The following STKLD1 variants were observed in gnomAD, a reference collection of about 807,000 sequenced individuals.
STKLD1 encodes the protein serine/threonine kinase-like domain-containing protein STKLD1.
In STKLD1, 79 loss-of-function variants were observed where a neutral mutation model predicts 80.4. The observed-to-expected ratio is 0.98, with a 90% CI of 0.82 to 1.19. The LOEUF is 1.19. Among genes scored for constraint, STKLD1 ranks in the 50% most tolerant of loss-of-function variants. STKLD1 has a pLI of 0.00. For missense variants in STKLD1, 841 were observed against 856.0 expected (o/e 0.98, Z 0.22); for synonymous variants, 393 against 357.6 (o/e 1.10, Z -1.12).
chr9:133,382,021 G>C (rs2130267355), intron 2 of STKLD1, among the ~76,000 whole-genome samples: 1 of 152,226 alleles, frequency 6.6e-6, no homozygotes, highest in Non-Finnish European at 1.5e-5. Context: ...ATTAGAGCCA[G>C]TGGTAGTATA....
At chr9:133,403,851 G>A (rs985460840) in intron 15 of STKLD1, 23 bp downstream of exon 15, 3 of 1,612,622 alleles carry the variant, frequency 1.9e-6, no homozygotes, top group Middle Eastern at 1.7e-4. Context: ...GGCGCCCTGG[G>A]CCCCTGGGGC....
rs1554778570 is a variant in STKLD1 at position 133,405,471 on chromosome 9, T to C, written c.*50T>C. The stretch of plus-strand genomic sequence containing the variant: ...TCTCCACGTGTATAGTTTTCAAGAC[T>C]GCTCTCCTGCCTGCCTATTATCCCA... On this transcript the variant is annotated 3_prime_UTR_variant, in exon 18 of 18. Transcript: ENST00000371957. 2 of 1,523,004 alleles carry C rather than the reference T, an allele frequency of 1.3e-6. No homozygotes were observed. Among genetic ancestry groups the C allele is most frequent in the African/African-American group, 1.4e-5 (1 of 72,520 alleles). The allele number at this position is 1,523,004 out of a possible 1,614,324, so 94.3% of individuals were successfully genotyped here.
rs2130259272 is a variant in STKLD1, at chr9:133,379,024, C to A, written c.88-12C>A. On this transcript the variant is annotated splice_polypyrimidine_tract_variant and intron_variant, in intron 1 of 17. Coordinates refer to ENST00000371957, the MANE Select transcript of STKLD1 (RefSeq NM_153710.5). Reference sequence around the variant, plus strand: ...TGCATTTCCTGAAAGCTTCTCTCTTCCTTGCTGATAGGTTTTGTACCAGCT... The same window carrying A: ...TGCATTTCCTGAAAGCTTCTCTCTTACTTGCTGATAGGTTTTGTACCAGCT... 1 of 1,611,308 alleles carries A rather than the reference C, an allele frequency of 6.2e-7. No homozygotes were observed. The highest frequency in any genetic ancestry group is 1.7e-5 in the Admixed American group (1 of 59,498).
chr9:133,389,701 G>A lies in STKLD1; in HGVS notation c.467+105G>A, dbSNP rs1023060267. On this transcript the variant is annotated intron_variant, in intron 6 of 17. Transcript: ENST00000371957. The surrounding 1 kb of genome is among the most constrained non-coding windows in gnomAD (Gnocchi z 6.4). Reference sequence around the variant, plus strand: ...CCGTGGGCAGGATCTGGGGAGAAAGGTGCACCGGGCCAGTGCAGCCAGGAT... The same window carrying A: ...CCGTGGGCAGGATCTGGGGAGAAAGATGCACCGGGCCAGTGCAGCCAGGAT... 6.5e-7 allele frequency: 1 copy of A among 1,538,336 alleles called. No homozygotes were observed. The highest frequency in any genetic ancestry group is 1.4e-5 in the African/African-American group (1 of 73,726).
chr9:133,393,527 G>A (rs1554776275), intron 7 of STKLD1, among the ~76,000 whole-genome samples: 2 of 149,806 alleles, frequency 1.3e-5, no homozygotes, highest in Non-Finnish European at 3.0e-5. Flanking sequence ...GTGGGTAGGT[G>A]TATGGATGAA....
Position 133,383,854 on chromosome 9 carries a change from A to C in STKLD1, c.175-2A>C. 5.0e-6 allele frequency: 8 copies of C among 1,613,958 alleles called. No homozygotes were observed. The highest frequency in any genetic ancestry group is 6.8e-6 in the Non-Finnish European group (8 of 1,179,904). The stretch of plus-strand genomic sequence containing the variant: ...TAAGCTCATGCTCTTGTGCCCTTGC[A>C]GGTGGAATGCATGGATGACCATTAC... On this transcript the variant is annotated splice_acceptor_variant, in intron 2 of 17. Transcript: ENST00000371957. LOFTEE classifies it high-confidence loss of function.
rs1050750623 is a variant in STKLD1 at position 133,394,754 on chromosome 9, C to T, written c.702+345C>T. The T allele has an allele frequency of 2.7e-5, 8 of 293,536 alleles. No homozygotes were observed. Among genetic ancestry groups the T allele is most frequent in the African/African-American group, 1.5e-4 (7 of 46,896 alleles). The allele number at this position is 293,536 out of a possible 1,614,324, so 18.2% of individuals were successfully genotyped here. ...GAAGGCTGCACGGAGTTGCAAGCAA[C>T]GGGAACCCAGTGTGGGCCTGAACAC... On this transcript the variant is annotated intron_variant, in intron 8 of 17. Transcript: ENST00000371957. This position sits in a 1 kb window ranked among gnomAD's most constrained non-coding sequence, Gnocchi z 4.9.
In STKLD1 at chr9:133,385,890, A is replaced by T. The variant is rs995865991; in HGVS notation, c.294+199A>T. Among the ~76,000 whole-genome samples the T allele has an allele frequency of 6.6e-6, 1 of 151,406 alleles. No individual in the cohort carries two copies. Among genetic ancestry groups the T allele is most frequent in the Non-Finnish European group, 1.5e-5 (1 of 67,944 alleles). On this transcript the variant is annotated intron_variant, in intron 4 of 17. Coordinates refer to ENST00000371957, the MANE Select transcript of STKLD1 (RefSeq NM_153710.5). This position sits in a 1 kb window ranked among gnomAD's most constrained non-coding sequence, Gnocchi z 4.9. ...CTGGGGGCTTTCGGTGCATAGTCTC[A>T]TAGGAGCCCCAAAAACCTCATCGTC...
At chr9:133,380,692 C>T (rs1838108456) in intron 2 of STKLD1, among the ~76,000 whole-genome samples, 1 of 152,058 alleles carries the variant, frequency 6.6e-6, no homozygotes, top group African/African-American at 2.4e-5. Flanking sequence ...ATAAAAATAT[C>T]ACCCAATTAT....
chr9:133,382,764 GTGA>G (rs1188731839), intron 2 of STKLD1, among the ~76,000 whole-genome samples: 3,648 of 149,696 alleles, frequency 0.024, 124 homozygotes, highest in African/African-American at 0.084. Context: ...GGTAATGATG[GTGA>G]TGATGGTGGT....
chr9:133,399,809 G>A (rs1838648943), intron 11 of STKLD1, among the ~76,000 whole-genome samples: 1 of 152,056 alleles, frequency 6.6e-6, no homozygotes, highest in Non-Finnish European at 1.5e-5. Context: ...AACCCAGGAG[G>A]CGGAGGTTGC....
At chr9:133,378,635 G>A (rs1331386555) in intron 1 of STKLD1, among the ~76,000 whole-genome samples, 3 of 152,264 alleles carry the variant, frequency 2.0e-5, no homozygotes, top group African/African-American at 7.2e-5. Flanking sequence ...CTTCCTGATT[G>A]TACCAGTCAC....
chr9:133,405,649 T>G lies in STKLD1; in HGVS notation c.*228T>G. ...GAAAACTGACTTGCCTGCTTCCTCCTTCCAGGAACTGGTTTCTTGCGCGGA... is the reference window on the plus strand; with the variant it reads ...GAAAACTGACTTGCCTGCTTCCTCCGTCCAGGAACTGGTTTCTTGCGCGGA... On this transcript the variant is annotated 3_prime_UTR_variant, in exon 18 of 18. Coordinates refer to ENST00000371957, the MANE Select transcript of STKLD1 (RefSeq NM_153710.5). 2.3e-6 allele frequency: 1 copy of G among 427,896 alleles called. No homozygotes were observed. 26.5% of individuals were successfully genotyped at this position (427,896 alleles called of 1,614,324 possible).
At chr9:133,382,319 T>G (rs192511393) in intron 2 of STKLD1, among the ~76,000 whole-genome samples, 1 of 152,342 alleles carries the variant, frequency 6.6e-6, no homozygotes, top group East Asian at 1.9e-4. Context: ...TAAACTTATC[T>G]TTGCAAAAGG....
rs1352898622 is a variant in STKLD1, at chr9:133,390,295, C to G, written c.468-386C>G. Among the ~76,000 whole-genome samples the G allele has an allele frequency of 6.6e-6, 1 of 151,162 alleles. No individual in the cohort carries two copies. The highest frequency in any genetic ancestry group is 2.4e-5 in the African/African-American group (1 of 40,996). On this transcript the variant is annotated intron_variant, in intron 6 of 17. Transcript: ENST00000371957. This position sits in a 1 kb window ranked among gnomAD's most constrained non-coding sequence, Gnocchi z 5.1. ...CAAAGGGAATGCTCACATTCCACAT[C>G]CAGTGTTCATGTCACTAGACGTCGC...
At chr9:133,404,180 C>T (rs1554778239) in intron 16 of STKLD1, 132 bp downstream of exon 16, 2 of 1,164,962 alleles carry the variant, frequency 1.7e-6, no homozygotes, top group East Asian at 2.7e-5. Flanking sequence ...AAATTAAAAA[C>T]GATCTGAAGT....
chr9:133,388,793 C>A (rs1427319140), intron 5 of STKLD1: 2 of 985,286 alleles, frequency 2.0e-6, no homozygotes, highest in African/African-American at 3.5e-5. Context: ...TTGGGGGGAC[C>A]ATGTACCCCT....
In STKLD1 at chr9:133,403,992, G is replaced by C; in HGVS notation, c.1676G>C (p.Arg559Thr). Residue 559 changes from arginine to threonine, a missense_variant, in exon 16 of 18, where the codon AGA becomes ACA. Arg to Thr is a moderately conservative substitution (Grantham distance 71). Coordinates refer to ENST00000371957, the MANE Select transcript of STKLD1 (RefSeq NM_153710.5). ...LLQSIRLCQD[R>T]ALLVNNAYRG... ...CAAAGCATCCGGCTGTGCCAGGACA[G>C]AGCCCTGCTGGTGAACAATGCCTAC... 1 of 1,612,142 alleles carries C rather than the reference G, an allele frequency of 6.2e-7. No individual in the cohort carries two copies. The highest frequency in any genetic ancestry group is 1.3e-5 in the African/African-American group (1 of 75,052).
rs1357537179 is a variant in STKLD1, at chr9:133,385,822, G to A, written c.294+131G>A. The A allele has an allele frequency of 6.2e-6, 5 of 810,382 alleles. No homozygotes were observed. The highest frequency in any genetic ancestry group is 1.6e-5 in the South Asian group (1 of 61,902). The allele number at this position is 810,382 out of a possible 1,614,324, so 50.2% of individuals were successfully genotyped here. A position where few individuals can be genotyped will look rare whatever the true frequency, so the allele number is the denominator to read the frequency against. On this transcript the variant is annotated intron_variant, in intron 4 of 17. Coordinates refer to ENST00000371957, the MANE Select transcript of STKLD1 (RefSeq NM_153710.5). This position sits in a 1 kb window ranked among gnomAD's most constrained non-coding sequence, Gnocchi z 4.9. ...TGTGGCAATGGCAGTGACTGTAAAC[G>A]TGGCCACCCCTGACCTAACACTCAC...
Sources: allele counts gnomAD v4.1 joint callset (sites outside exome capture counted in the v4.1 genomes callset), GRCh38; gene constraint gnomAD v4.1.1; non-coding constraint Gnocchi (gnomAD v3.1); transcripts MANE v1.5; gene names NCBI Gene and HGNC (gene_info 2026-07-23, HGNC 2026-07-21).